The following NCKAP5 variants were observed in gnomAD, a reference collection of about 807,000 sequenced individuals.
NCKAP5 encodes the protein nck-associated protein 5.
A neutral mutation model predicts 167.0 loss-of-function variants in NCKAP5; 92 were observed. The observed-to-expected ratio is 0.55, with a 90% confidence interval of 0.47 to 0.66. The LOEUF (loss-of-function observed/expected upper bound fraction) is 0.66. Ranked by LOEUF, NCKAP5 falls within the 30% of genes least tolerant of loss-of-function variation. The pLI is 0.00. For missense variants in NCKAP5, 2,378 were observed against 2,315.0 expected, an observed-to-expected ratio of 1.03 and a Z score of -0.56; for synonymous variants, 891 against 877.4, an observed-to-expected ratio of 1.02 and a Z score of -0.27.
intron 3 of NCKAP5, among the ~76,000 whole-genome samples, chr2:133,370,934 T>C (rs1685768683): frequency 6.6e-6 from 1 of 152,130 alleles, no homozygotes; most frequent in Admixed American, 6.5e-5. Flanking sequence ...GACCTGAAAG[T>C]TACAAATGAG....
intron 5 of NCKAP5, among the ~76,000 whole-genome samples, chr2:133,205,291 T>TTAGATAGATAGATAGATAGATAGA (rs36008566): frequency 1.3e-3 from 190 of 149,766 alleles, no homozygotes; most frequent in East Asian, 1.8e-3. Context: ...GACTCTGAAA[T>TTAGATAGATAGATAGATAGATAGA]TAGATAGATA....
At chr2:133,572,208 G>A (rs1033806533), upstream of NCKAP5, among the ~76,000 whole-genome samples, 15 of 152,226 alleles carry the variant, frequency 9.9e-5, no homozygotes, top group African/African-American at 3.1e-4. Context: ...ACATTGAAGA[G>A]GAAGTTAGTA....
chr2:133,369,278 G>A (rs1049739682), intron 3 of NCKAP5, among the ~76,000 whole-genome samples: 5 of 152,178 alleles, frequency 3.3e-5, no homozygotes, highest in African/African-American at 4.8e-5. Flanking sequence ...CAGAACTATC[G>A]AAGCAATGTC....
chr2:133,489,255 AAC>A (rs1455668225), intron 3 of NCKAP5, among the ~76,000 whole-genome samples: 1 of 152,254 alleles, frequency 6.6e-6, no homozygotes, highest in African/African-American at 2.4e-5. Flanking sequence ...TGAGGAACCT[AAC>A]ACACAATGTC....
chr2:133,096,292 AC>A (rs1232377742), intron 6 of NCKAP5, among the ~76,000 whole-genome samples: 1 of 152,060 alleles, frequency 6.6e-6, no homozygotes. Flanking sequence ...GGAGTTCGAG[AC>A]CAGCCTAACC....
chr2:132,993,195 T>C (rs549756394), intron 7 of NCKAP5, among the ~76,000 whole-genome samples: 1 of 152,334 alleles, frequency 6.6e-6, no homozygotes, highest in South Asian at 2.1e-4. Context: ...TTTCCACCAA[T>C]GTCCTTGCTT....
intron 6 of NCKAP5, among the ~76,000 whole-genome samples, chr2:133,043,866 G>GTTTTTTTTTTT (rs60249951): frequency 7.1e-6 from 1 of 141,724 alleles, no homozygotes. Flanking sequence ...TTCTGTAATA[G>GTTTTTTTTTTT]TTTTTTTTTT....
intron 3 of NCKAP5, among the ~76,000 whole-genome samples, chr2:133,463,473 C>T (rs6717287): frequency 3.0e-4 from 45 of 152,176 alleles, no homozygotes; most frequent in African/African-American, 1.0e-3. Context: ...GGCTGAAGTC[C>T]ATTGTTCAAT....
intron 19 of NCKAP5, among the ~76,000 whole-genome samples, chr2:132,682,895 T>G (rs1287875464): frequency 6.6e-6 from 1 of 151,710 alleles, no homozygotes; most frequent in Non-Finnish European, 1.5e-5. Context: ...TACTTTTTTT[T>G]TTTTTTTGAG....
upstream of NCKAP5, among the ~76,000 whole-genome samples, chr2:133,571,016 A>C (rs1688846718): frequency 6.6e-6 from 1 of 152,200 alleles, no homozygotes; most frequent in South Asian, 2.1e-4. Context: ...TAGGGGGGAA[A>C]AAAAAGTCCA....
At chr2:132,946,267 T>C (rs1697715653) in intron 8 of NCKAP5, among the ~76,000 whole-genome samples, 1 of 152,168 alleles carries the variant, frequency 6.6e-6, no homozygotes, top group Non-Finnish European at 1.5e-5. Flanking sequence ...AGAAAGAGGC[T>C]GTCCTCTGGT....
intron 3 of NCKAP5, among the ~76,000 whole-genome samples, chr2:133,461,180 T>C (rs961800670): frequency 4.6e-5 from 7 of 152,224 alleles, no homozygotes; most frequent in East Asian, 1.9e-4. Flanking sequence ...GCTGTGCCCA[T>C]TGGGAGGAAG....
At chr2:133,064,450 T>G (rs1220245211) in intron 6 of NCKAP5, among the ~76,000 whole-genome samples, 1 of 152,222 alleles carries the variant, frequency 6.6e-6, no homozygotes, top group Admixed American at 6.5e-5. Flanking sequence ...AAACCCAGTT[T>G]TCCTCTAAGC....
intron 8 of NCKAP5, among the ~76,000 whole-genome samples, chr2:132,936,661 A>T (rs1330100758): frequency 6.6e-6 from 1 of 152,256 alleles, no homozygotes; most frequent in Non-Finnish European, 1.5e-5. Flanking sequence ...AGAAACTGTT[A>T]TCTGAGTATT....
intron 6 of NCKAP5, among the ~76,000 whole-genome samples, chr2:133,062,401 G>C (rs1347767506): frequency 6.6e-6 from 1 of 152,226 alleles, no homozygotes; most frequent in African/African-American, 2.4e-5. Flanking sequence ...CAGATTTGGA[G>C]TAGAGATATT....
chr2:132,837,903 G>A (rs1688011494), intron 11 of NCKAP5, among the ~76,000 whole-genome samples: 1 of 152,178 alleles, frequency 6.6e-6, no homozygotes, highest in African/African-American at 2.4e-5. Context: ...CAGGCTGAGA[G>A]CAGGGTGGTG....
chr2:133,086,537 G>C (rs1192083120), intron 6 of NCKAP5, among the ~76,000 whole-genome samples: 1 of 152,096 alleles, frequency 6.6e-6, no homozygotes, highest in Admixed American at 6.6e-5. Flanking sequence ...AGCAACTCAA[G>C]AGGCTGAGGT....
In NCKAP5 at chr2:132,879,707, C is replaced by T. The variant is rs184507976; in HGVS notation, c.580-791G>A. 2.6e-5 allele frequency among the ~76,000 whole-genome samples: 4 copies of T among 152,316 alleles called. No homozygotes were observed. In the East Asian group the frequency reaches 7.7e-4, roughly 29 times the overall value. On this transcript the variant is annotated intron_variant, in intron 8 of 19. Coordinates refer to ENST00000409261, the MANE Select transcript of NCKAP5 (RefSeq NM_207363.3). ...TCCCAGGGCTATGACAATGACCACC[C>T]GCTCTAAGCCCACAAGCAATCTTGG...
At chr2:132,985,770 A>G (rs1187194441) in intron 7 of NCKAP5, among the ~76,000 whole-genome samples, 2 of 152,220 alleles carry the variant, frequency 1.3e-5, no homozygotes, top group Admixed American at 1.3e-4. Flanking sequence ...CACCCACTTC[A>G]GCAGCTATTC....
Sources: allele counts gnomAD v4.1 joint callset (sites outside exome capture counted in the v4.1 genomes callset), GRCh38; gene constraint gnomAD v4.1.1; transcripts MANE v1.5; gene names NCBI Gene and HGNC (gene_info 2026-07-23, HGNC 2026-07-21).